The following TMTC1 variants were observed in gnomAD, a reference collection of about 807,000 sequenced individuals.
The protein encoded by TMTC1 is protein O-mannosyl-transferase TMTC1.
In TMTC1, 73 loss-of-function variants were observed where a neutral mutation model predicts 104.8. The ratio of observed to expected loss-of-function variants is 0.70; its 90% CI spans 0.58 to 0.85. TMTC1 has a LOEUF of 0.85. TMTC1 is among the 40% of genes least tolerant of loss of function. The pLI is 0.00. For missense variants in TMTC1, 1,035 were observed against 1,096.1 expected, an observed-to-expected ratio of 0.94 and a Z score of 0.79; for synonymous variants, 434 against 428.7, an observed-to-expected ratio of 1.01 and a Z score of -0.15.
chr12:29,660,787 T>C, intron 5 of TMTC1: 2 of 919,016 alleles, frequency 2.2e-6, no homozygotes, highest in Non-Finnish European at 2.9e-6. Flanking sequence ...TATATATATA[T>C]ATATATATAT....
chr12:29,663,043 A>G (rs1278272247), intron 5 of TMTC1, among the ~76,000 whole-genome samples: 1 of 152,224 alleles, frequency 6.6e-6, no homozygotes, highest in Non-Finnish European at 1.5e-5. Flanking sequence ...TACTGTCCCA[A>G]AATGGGCTTT....
At chr12:29,549,516 T>A (rs1343843592) in intron 10 of TMTC1, among the ~76,000 whole-genome samples, 1 of 152,106 alleles carries the variant, frequency 6.6e-6, no homozygotes, top group African/African-American at 2.4e-5. Flanking sequence ...GATTTGTGCA[T>A]TTTAATACAT....
At position 29,503,692 on chromosome 12, in the gene TMTC1, A is replaced by G. The variant is rs1173471183; in HGVS notation, c.*3154T>C. The G allele has an allele frequency of 6.6e-6, 1 of 152,056 alleles. No individual in the cohort carries two copies. The highest frequency in any genetic ancestry group is 6.6e-5 in the Admixed American group (1 of 15,264). The allele number at this position is 152,056 out of a possible 1,614,324, so 9.4% of individuals were successfully genotyped here. A position where few individuals can be genotyped will look rare whatever the true frequency, so the allele number is the denominator to read the frequency against. On this transcript the variant is annotated 3_prime_UTR_variant, in exon 18 of 18. Coordinates refer to ENST00000539277, the MANE Select transcript of TMTC1 (RefSeq NM_001193451.2). Reference sequence around the variant, plus strand: ...TCAAATGTTCAGCCAGGCCAAAGCAACTCCTGTTTTATCCTCAGCCATCCT... The same window carrying G: ...TCAAATGTTCAGCCAGGCCAAAGCAGCTCCTGTTTTATCCTCAGCCATCCT...
chr12:29,709,076 TTTTG>T (rs1433744499), intron 5 of TMTC1, among the ~76,000 whole-genome samples: 6 of 152,334 alleles, frequency 3.9e-5, no homozygotes, highest in East Asian at 1.9e-4. Flanking sequence ...TAAATACTGT[TTTTG>T]TTTATTTTTG....
chr12:29,745,542 A>G (rs1451989229), intron 5 of TMTC1, among the ~76,000 whole-genome samples: 7 of 147,924 alleles, frequency 4.7e-5, no homozygotes, highest in Non-Finnish European at 1.0e-4. Context: ...AATCACTTGA[A>G]CCCAGAAGGC....
At chr12:29,521,811 G>A (rs963926844) in intron 11 of TMTC1, among the ~76,000 whole-genome samples, 8 of 151,882 alleles carry the variant, frequency 5.3e-5, no homozygotes, top group African/African-American at 1.5e-4. Context: ...CAAGTGATCC[G>A]CCCGTCTTGG....
chr12:29,514,580 G>A lies in TMTC1; in HGVS notation c.2332C>T (p.Leu778Phe). ...DKALDAIDKA[L>F]QLKPKDPKVI... ...TTTGGGTCCTTTGGTTTCAGCTGGA[G>A]AGCCTTGTCTATAGCATCAAGTGCC... The change falls in exon 16 of 18, where the codon CTC becomes TTC. Residue 778 changes from leucine (L) to phenylalanine (F), a missense_variant. Physicochemically the swap from Leu to Phe is conservative, Grantham distance 22. Transcript: ENST00000539277. 6.2e-7 allele frequency: 1 copy of A among 1,613,992 alleles called. No homozygotes were observed.
chr12:29,707,521 A>T (rs6487845), intron 5 of TMTC1, among the ~76,000 whole-genome samples: 152,087 of 152,268 alleles, frequency 1, 75,953 homozygotes, highest in Middle Eastern at 1. Flanking sequence ...CCTCAGCACC[A>T]TCCTTTCTCC....
chr12:29,582,984 AC>A (rs1314890498), intron 8 of TMTC1, among the ~76,000 whole-genome samples: 3 of 152,226 alleles, frequency 2.0e-5, no homozygotes, highest in Non-Finnish European at 4.4e-5. Context: ...AAATAAAGCA[AC>A]TAGGTCACAG....
At chr12:29,628,824 G>A (rs1938142646) in intron 6 of TMTC1, among the ~76,000 whole-genome samples, 1 of 151,910 alleles carries the variant, frequency 6.6e-6, no homozygotes, top group Non-Finnish European at 1.5e-5. Flanking sequence ...ACTATGCCCA[G>A]CTAATTTTTG....
At chr12:29,595,738 A>G (rs1316470270) in intron 7 of TMTC1, among the ~76,000 whole-genome samples, 1 of 152,234 alleles carries the variant, frequency 6.6e-6, no homozygotes, top group Non-Finnish European at 1.5e-5. Context: ...AGTATTCTGA[A>G]GTAGAACTTT....
intron 5 of TMTC1, among the ~76,000 whole-genome samples, chr12:29,715,478 A>C (rs1398803757): frequency 2.6e-5 from 4 of 152,242 alleles, no homozygotes; most frequent in Admixed American, 6.5e-5. Flanking sequence ...CATGCATTTC[A>C]ATAACATTTT....
chr12:29,724,083 A>G (rs1431951122), intron 5 of TMTC1, among the ~76,000 whole-genome samples: 2 of 152,238 alleles, frequency 1.3e-5, no homozygotes, highest in Non-Finnish European at 2.9e-5. Flanking sequence ...AAGAAAAATC[A>G]GCAAGAGACT....
chr12:29,588,052 C>A (rs948009824), intron 7 of TMTC1, among the ~76,000 whole-genome samples: 1 of 152,090 alleles, frequency 6.6e-6, no homozygotes, highest in Non-Finnish European at 1.5e-5. Flanking sequence ...TTCTTCAAGT[C>A]CTATAAGTTG....
chr12:29,635,135 A>G (rs1163541580), intron 5 of TMTC1, among the ~76,000 whole-genome samples: 1 of 152,094 alleles, frequency 6.6e-6, no homozygotes, highest in African/African-American at 2.4e-5. Flanking sequence ...ATAGAGTAGT[A>G]TATACTGAAA....
chr12:29,628,505 G>T (rs1016284900), intron 6 of TMTC1, among the ~76,000 whole-genome samples: 11 of 152,112 alleles, frequency 7.2e-5, no homozygotes, highest in African/African-American at 2.4e-4. Context: ...GAGCAGGTTG[G>T]ACATACCTCA....
At chr12:29,620,514 T>TAAG (rs1274968175) in intron 6 of TMTC1, among the ~76,000 whole-genome samples, 4 of 152,236 alleles carry the variant, frequency 2.6e-5, no homozygotes, top group Admixed American at 1.3e-4. Flanking sequence ...ATGACAATCA[T>TAAG]AAGTCTGATA....
intron 5 of TMTC1, among the ~76,000 whole-genome samples, chr12:29,725,010 A>ATTTTTTT (rs1942341722): frequency 9.1e-6 from 1 of 110,410 alleles, no homozygotes; most frequent in Non-Finnish European, 1.9e-5. Context: ...ATATCTGCCA[A>ATTTTTTT]GTTCTTTTTT....
rs751261360 is a variant in TMTC1, at chr12:29,512,047, A to G, written c.2504T>C (p.Ile835Thr). Residue 835 changes from isoleucine (I) to threonine (T), a missense_variant, in exon 17 of 18, where the codon ATC (isoleucine) becomes ACC (threonine). Transcript: ENST00000539277. Reference protein sequence around the residue: ...AWMNMGGIQHIKGKYVSARAY... With the variant: ...AWMNMGGIQHTKGKYVSARAY... ...GGGAGTGAATTATTCTCCTACCTTGATGTGTTGGATGCCACCCATGTTCAT... is the reference window on the plus strand; with the variant it reads ...GGGAGTGAATTATTCTCCTACCTTGGTGTGTTGGATGCCACCCATGTTCAT... 3.7e-6 allele frequency: 6 copies of G among 1,613,950 alleles called. No individual in the cohort carries two copies. Among genetic ancestry groups the G allele is most frequent in the Admixed American group, 3.3e-5 (2 of 59,990 alleles).
Sources: allele counts gnomAD v4.1 joint callset (sites outside exome capture counted in the v4.1 genomes callset), GRCh38; gene constraint gnomAD v4.1.1; transcripts MANE v1.5; gene names NCBI Gene and HGNC (gene_info 2026-07-23, HGNC 2026-07-21).